The following RIT2 variants were observed in gnomAD, a reference collection of about 807,000 sequenced individuals.
RIT2 encodes GTP-binding protein Rit2.
Under a neutral mutation model 23.7 loss-of-function variants are expected in RIT2, and 24 were observed. That is an observed-to-expected ratio of 1.01 (90% CI 0.73 to 1.43). The LOEUF (loss-of-function observed/expected upper bound fraction) is 1.43, where lower values mean the gene tolerates loss of function less well. Among genes scored for constraint, RIT2 ranks in the 40% most tolerant of loss-of-function variants. The pLI, the probability that RIT2 is intolerant of heterozygous loss-of-function variation, is 0.00. For synonymous variants in RIT2, 107 were observed against 91.1 expected (o/e 1.17, Z -0.99); for missense variants, 236 against 266.9 (o/e 0.88, Z 0.81).
At chr18:43,042,988 C>T (rs72904976) in intron 1 of RIT2, among the ~76,000 whole-genome samples, 6,598 of 151,936 alleles carry the variant, frequency 0.043, 170 homozygotes, top group South Asian at 0.12. Flanking sequence ...ATAACTTGTT[C>T]ATATAGTTTA....
intron 1 of RIT2, among the ~76,000 whole-genome samples, chr18:43,048,970 T>C (rs1168738947): frequency 6.6e-6 from 1 of 152,190 alleles, no homozygotes; most frequent in African/African-American, 2.4e-5. Context: ...TTCAACCACA[T>C]GTTAGACTGA....
chr18:43,089,270 G>A lies in RIT2; in HGVS notation c.103+26147C>T, dbSNP rs555036753. Among the ~76,000 whole-genome samples, 10 of 151,738 alleles carry A rather than the reference G, an allele frequency of 6.6e-5. No individual in the cohort carries two copies. In the East Asian group the frequency reaches 7.8e-4, roughly 12 times the overall value. Reference sequence around the variant, plus strand: ...GTCTCAGGATACAAAATCAATGTGCGAAAATCAACAACAATGAAGCCGAGA... The same window carrying A: ...GTCTCAGGATACAAAATCAATGTGCAAAAATCAACAACAATGAAGCCGAGA... On this transcript the variant is annotated intron_variant, in intron 1 of 4. Transcript: ENST00000326695.
chr18:42,758,797 T>C (rs534142345), intron 4 of RIT2, among the ~76,000 whole-genome samples: 232 of 152,128 alleles, frequency 1.5e-3, no homozygotes, highest in Admixed American at 4.5e-3. Flanking sequence ...ATTACAGGCA[T>C]GAGCCACCAT....
At chr18:42,770,301 C>A (rs556057195) in intron 4 of RIT2, among the ~76,000 whole-genome samples, 14 of 152,298 alleles carry the variant, frequency 9.2e-5, no homozygotes, top group African/African-American at 3.4e-4. Context: ...AAAGTCACAA[C>A]GACCTAGAGG....
intron 3 of RIT2, among the ~76,000 whole-genome samples, chr18:42,932,659 A>G (rs1466014112): frequency 6.6e-6 from 1 of 152,118 alleles, no homozygotes; most frequent in African/African-American, 2.4e-5. Context: ...GTGATTATCA[A>G]ATTTTTTTTT....
At chr18:43,038,615 C>T (rs1476338575) in intron 1 of RIT2, among the ~76,000 whole-genome samples, 2 of 152,036 alleles carry the variant, frequency 1.3e-5, no homozygotes, top group Admixed American at 6.5e-5. Context: ...TAAGTTATTT[C>T]TGTTTCTGAG....
Position 43,045,051 on chromosome 18 carries a change from G to A in RIT2, c.104-11184C>T, listed in dbSNP as rs569016845. ...TGAACTTAAACAAAGAAGAAAAATA[G>A]ACATTTTCACTAATATTTTCTCAAG... On this transcript the variant is annotated intron_variant, in intron 1 of 4. Transcript: ENST00000326695. 2.7e-3 allele frequency among the ~76,000 whole-genome samples: 408 copies of A among 152,234 alleles called. 1 individual carries two copies. The highest frequency in any genetic ancestry group is 4.3e-3 in the Non-Finnish European group (291 of 68,000).
At chr18:42,845,596 T>C (rs1184521323) in intron 4 of RIT2, among the ~76,000 whole-genome samples, 1 of 150,154 alleles carries the variant, frequency 6.7e-6, no homozygotes. Flanking sequence ...ATATTGGTCA[T>C]ATATTTGCAT....
chr18:42,972,316 G>A (rs72642415), intron 3 of RIT2, among the ~76,000 whole-genome samples: 9,365 of 151,884 alleles, frequency 0.062, 719 homozygotes, highest in East Asian at 0.41. Context: ...GTTTCTAGAA[G>A]CAAATGCATC....
At chr18:42,926,174 C>T (rs1442907766) in intron 3 of RIT2, among the ~76,000 whole-genome samples, 1 of 151,848 alleles carries the variant, frequency 6.6e-6, no homozygotes, top group African/African-American at 2.4e-5. Context: ...ATGCCAAAGA[C>T]ATTGTATCAA....
chr18:43,112,354 C>T (rs1913972255), intron 1 of RIT2, among the ~76,000 whole-genome samples: 1 of 152,072 alleles, frequency 6.6e-6, no homozygotes, highest in African/African-American at 2.4e-5. Flanking sequence ...TGAGTATAAG[C>T]GTGAAATACA....
chr18:42,931,127 C>A (rs1909315353), intron 3 of RIT2, among the ~76,000 whole-genome samples: 1 of 152,060 alleles, frequency 6.6e-6, no homozygotes, highest in African/African-American at 2.4e-5. Context: ...TTCTCCAAAG[C>A]ACTAGGGACA....
chr18:42,862,546 G>A (rs1212163765), intron 4 of RIT2, among the ~76,000 whole-genome samples: 1 of 152,128 alleles, frequency 6.6e-6, no homozygotes, highest in Admixed American at 6.5e-5. Context: ...AATATTATTT[G>A]ATACAACCAC....
intron 1 of RIT2, among the ~76,000 whole-genome samples, chr18:43,049,289 T>C (rs1360751859): frequency 6.6e-6 from 1 of 152,174 alleles, no homozygotes; most frequent in Non-Finnish European, 1.5e-5. Context: ...AGCAACAGTG[T>C]CAGTGGAGCT....
At chr18:43,095,134 C>T (rs747701619) in intron 1 of RIT2, among the ~76,000 whole-genome samples, 4 of 152,060 alleles carry the variant, frequency 2.6e-5, no homozygotes, top group Non-Finnish European at 4.4e-5. Context: ...GAGGAATAGC[C>T]ACACTGTCCT....
Position 42,877,742 on chromosome 18 carries a change from G to A in RIT2, c.426+45830C>T, listed in dbSNP as rs568968221. Among the ~76,000 whole-genome samples, 4 of 151,466 alleles carry A rather than the reference G, an allele frequency of 2.6e-5. No individual in the cohort carries two copies. The South Asian group carries it at 6.2e-4, about 24-fold the overall frequency. ...ATAACAAGTGAACAATTTAACACCC[G>A]ACCTTATCTGACGAGTTGTAGACAA... is the stretch of plus-strand genomic sequence containing the variant. On this transcript the variant is annotated intron_variant, in intron 4 of 4. Transcript: ENST00000326695.
At chr18:43,105,100 C>CTGTGTGTGTGTGTGTGTGTGTGTGTG (rs756311809) in intron 1 of RIT2, among the ~76,000 whole-genome samples, 2 of 143,062 alleles carry the variant, frequency 1.4e-5, no homozygotes, top group African/African-American at 5.2e-5. Flanking sequence ...AGGCAGTGTG[C>CTGTGTGTGTGTGTGTGTGTGTGTGTG]TGTGTGTGTG....
intron 3 of RIT2, among the ~76,000 whole-genome samples, chr18:42,964,515 T>C (rs539117383): frequency 3.3e-5 from 5 of 152,286 alleles, no homozygotes; most frequent in South Asian, 4.1e-4. Context: ...CCTGACACAA[T>C]GCCTATTTGA....
At chr18:42,817,176 T>C (rs1461115598) in intron 4 of RIT2, among the ~76,000 whole-genome samples, 1 of 152,186 alleles carries the variant, frequency 6.6e-6, no homozygotes, top group Non-Finnish European at 1.5e-5. Flanking sequence ...CAGATCTGAA[T>C]TCACTTTGGT....
Sources: allele counts gnomAD v4.1 joint callset (sites outside exome capture counted in the v4.1 genomes callset), GRCh38; gene constraint gnomAD v4.1.1; transcripts MANE v1.5; gene names NCBI Gene and HGNC (gene_info 2026-07-23, HGNC 2026-07-21).